LHFPL6: variants seen among roughly 807,000 people sequenced by gnomAD.
LHFPL6 encodes the protein LHFPL tetraspan subfamily member 6 protein.
Under a neutral mutation model 20.6 loss-of-function variants are expected in LHFPL6, and 9 were observed. The ratio of observed to expected loss-of-function variants is 0.44; its 90% CI spans 0.26 to 0.76. The LOEUF (loss-of-function observed/expected upper bound fraction) is 0.76, where lower values mean the gene tolerates loss of function less well. Ranked by LOEUF, LHFPL6 falls within the 30% of genes least tolerant of loss-of-function variation. The probability of loss-of-function intolerance (pLI) is 0.20; values close to 1 mark genes in which losing one functional copy is unlikely to be tolerated. For synonymous variants in LHFPL6, 105 were observed against 98.7 expected (o/e 1.06, Z -0.38); for missense variants, 218 against 253.5 (o/e 0.86, Z 0.95).
intron 2 of LHFPL6, among the ~76,000 whole-genome samples, chr13:39,455,296 C>T (rs1328791976): frequency 6.6e-6 from 1 of 152,084 alleles, no homozygotes; most frequent in East Asian, 1.9e-4. Context: ...AACCCCTCAT[C>T]CTGACCTGAA....
chr13:39,409,998 A>G (rs1330786985), intron 2 of LHFPL6, among the ~76,000 whole-genome samples: 1 of 152,238 alleles, frequency 6.6e-6, no homozygotes, highest in Non-Finnish European at 1.5e-5. Flanking sequence ...TGCCCAGCAC[A>G]AAATCCCAGA....
intron 2 of LHFPL6, among the ~76,000 whole-genome samples, chr13:39,579,146 T>C (rs1872204791): frequency 1.3e-5 from 2 of 152,016 alleles, no homozygotes; most frequent in African/African-American, 2.4e-5. Flanking sequence ...AGCCAAGGTA[T>C]TTTGAGCATG....
chr13:39,461,889 A>G (rs946698722), intron 2 of LHFPL6, among the ~76,000 whole-genome samples: 1 of 152,266 alleles, frequency 6.6e-6, no homozygotes, highest in South Asian at 2.1e-4. Context: ...ATCAACTATC[A>G]CTATTTTTTT....
chr13:39,539,989 G>A (rs1870746084), intron 2 of LHFPL6, among the ~76,000 whole-genome samples: 1 of 152,134 alleles, frequency 6.6e-6, no homozygotes, highest in South Asian at 2.1e-4. Context: ...GTTTCACACG[G>A]ATGATAAGTA....
chr13:39,542,597 A>G (rs1253530008), intron 2 of LHFPL6, among the ~76,000 whole-genome samples: 9 of 152,016 alleles, frequency 5.9e-5, no homozygotes, highest in Admixed American at 5.9e-4. Context: ...TTAACAAGCC[A>G]CTCCACTGTC....
intron 3 of LHFPL6, among the ~76,000 whole-genome samples, chr13:39,352,622 G>A (rs1256719347): frequency 6.6e-6 from 1 of 152,002 alleles, no homozygotes; most frequent in Non-Finnish European, 1.5e-5. Context: ...CATAGTGTCT[G>A]AGTCAGGATA....
intron 2 of LHFPL6, among the ~76,000 whole-genome samples, chr13:39,435,659 C>A (rs1394559571): frequency 1.3e-5 from 2 of 152,090 alleles, no homozygotes; most frequent in Non-Finnish European, 2.9e-5. Context: ...CATACATAGA[C>A]AGCGAAATAC....
chr13:39,484,357 T>A (rs932774109), intron 2 of LHFPL6, among the ~76,000 whole-genome samples: 7 of 152,082 alleles, frequency 4.6e-5, no homozygotes, highest in African/African-American at 1.7e-4. Flanking sequence ...AACTTTGGAG[T>A]CATGCTTGAG....
Position 39,500,007 on chromosome 13 carries a change from C to CT in LHFPL6, c.385+100824dup, listed in dbSNP as rs987174968. 9.6e-3 allele frequency among the ~76,000 whole-genome samples: 1,404 copies of CT among 146,618 alleles called. 26 individuals are homozygous for CT. The highest frequency in any genetic ancestry group is 0.032 in the African/African-American group (1,299 of 40,182). ...CCTGCAAAATCCAAATGAGTTTATT[C>CT]TTTTTTTTTTTAATCAAACTCCTCT... On this transcript the variant is annotated intron_variant, in intron 2 of 3. Transcript: ENST00000379589.
intron 3 of LHFPL6, among the ~76,000 whole-genome samples, chr13:39,344,403 C>G (rs1303611498): frequency 6.6e-6 from 1 of 152,126 alleles, no homozygotes; most frequent in Non-Finnish European, 1.5e-5. Context: ...ACCTGCGTAA[C>G]AAAGTACTTT....
intron 2 of LHFPL6, among the ~76,000 whole-genome samples, chr13:39,482,437 TA>T (rs897305025): frequency 2.2e-5 from 1 of 45,856 alleles, no homozygotes; most frequent in Non-Finnish European, 4.7e-5. Context: ...AGCAAGACCT[TA>T]TCTTAAAAAA....
rs878915860 is a variant in LHFPL6 at position 39,343,554 on chromosome 13, TA to T, written c.*381del. ...CCTTTGATTTTCTGAGTCCTCACCTTAAAAAAAAAAAACTAAAACCCAAACC... is the reference window on the plus strand; with the variant it reads ...CCTTTGATTTTCTGAGTCCTCACCTTAAAAAAAAAAACTAAAACCCAAACC... On this transcript the variant is annotated 3_prime_UTR_variant, in exon 4 of 4. Coordinates refer to ENST00000379589, the MANE Select transcript of LHFPL6 (RefSeq NM_005780.3). The T allele has an allele frequency of 4.6e-3, 940 of 203,764 alleles. No individual in the cohort carries two copies. Among genetic ancestry groups the T allele is most frequent in the Middle Eastern group, 0.01 (7 of 692 alleles). The allele number at this position is 203,764 out of a possible 1,614,324, so 12.6% of individuals were successfully genotyped here. A position where few individuals can be genotyped will look rare whatever the true frequency, so the allele number is the denominator to read the frequency against.
At chr13:39,386,970 T>G (rs1444872501) in intron 2 of LHFPL6, among the ~76,000 whole-genome samples, 1 of 152,186 alleles carries the variant, frequency 6.6e-6, no homozygotes, top group Non-Finnish European at 1.5e-5. Flanking sequence ...ACACATTGCC[T>G]TTCCTGGTCA....
At chr13:39,500,683 C>A (rs9548785) in intron 2 of LHFPL6, among the ~76,000 whole-genome samples, 100,544 of 152,060 alleles carry the variant, frequency 0.66, 33,465 homozygotes, top group East Asian at 0.85. Context: ...TAAGAAAAGG[C>A]CCATGAATTG....
intron 2 of LHFPL6, among the ~76,000 whole-genome samples, chr13:39,590,307 T>C (rs768970017): frequency 2.0e-5 from 3 of 152,206 alleles, no homozygotes; most frequent in Admixed American, 1.3e-4. Context: ...ATCTGGGAGA[T>C]TGGCAATATG....
chr13:39,535,946 C>A lies in LHFPL6; in HGVS notation c.385+64886G>T, dbSNP rs149212549. Among the ~76,000 whole-genome samples, 1,220 of 152,230 alleles carry A rather than the reference C, an allele frequency of 8.0e-3. 10 individuals are homozygous for A. The highest frequency in any genetic ancestry group is 0.028 in the African/African-American group (1,155 of 41,546). Reference sequence around the variant, plus strand: ...AAGGAGAGATCAGAATAAATGTAATCAACCACTCATGAAGCCTATTTGATT... The same window carrying A: ...AAGGAGAGATCAGAATAAATGTAATAAACCACTCATGAAGCCTATTTGATT... On this transcript the variant is annotated intron_variant, in intron 2 of 3. Coordinates refer to ENST00000379589, the MANE Select transcript of LHFPL6 (RefSeq NM_005780.3).
intron 2 of LHFPL6, among the ~76,000 whole-genome samples, chr13:39,573,467 C>A (rs1871999433): frequency 6.6e-6 from 1 of 151,890 alleles, no homozygotes; most frequent in Non-Finnish European, 1.5e-5. Flanking sequence ...TTTAATAGAA[C>A]AATAATCATC....
intron 3 of LHFPL6, among the ~76,000 whole-genome samples, chr13:39,370,396 T>A (rs992943514): frequency 2.0e-5 from 3 of 152,136 alleles, no homozygotes; most frequent in Non-Finnish European, 4.4e-5. Flanking sequence ...GTGACTTGGA[T>A]TTAAGTGTCA....
rs901574143 is a variant in LHFPL6, at chr13:39,570,281, T to C, written c.385+30551A>G. On this transcript the variant is annotated intron_variant, in intron 2 of 3. Transcript: ENST00000379589. The stretch of plus-strand genomic sequence containing the variant: ...TCAGCCTCCTGAATAGCCAGGACTA[T>C]AGAAGTGAGCCATCACTTTAAATTT... Among the ~76,000 whole-genome samples the C allele has an allele frequency of 9.0e-4, 137 of 152,254 alleles. 1 individual carries two copies. The highest frequency in any genetic ancestry group is 3.2e-3 in the African/African-American group (132 of 41,562).
Sources: gnomAD v4.1 joint callset for allele counts (sites outside exome capture counted in the v4.1 genomes callset) on GRCh38, gnomAD v4.1.1 for gene constraint, MANE v1.5 for transcripts, NCBI Gene and HGNC (gene_info 2026-07-23, HGNC 2026-07-21) for gene names.